The following BLTP1 variants were observed in gnomAD, a reference collection of about 807,000 sequenced individuals.
The protein encoded by BLTP1 is bridge-like lipid transfer protein family member 1, also known as fragile site-associated protein.
At chr4:122,353,511 G>T in the BLTP1 span, among the ~76,000 whole-genome samples, 2 of 152,158 alleles carry the variant, frequency 1.3e-5, no homozygotes, top group Non-Finnish European at 2.9e-5. This position sits in a 1 kb window ranked among gnomAD's most constrained non-coding sequence, Gnocchi z 4.3. Flanking sequence ...AGGCAAGGCT[G>T]TGCTTTTATC....
chr4:122,204,261 A>G, the BLTP1 span: 1 of 867,092 alleles, frequency 1.2e-6, no homozygotes, highest in Non-Finnish European at 1.4e-6. Flanking sequence ...ACCTGAGTAC[A>G]GAGGAAATCA....
chr4:122,336,511 G>T, the BLTP1 span: 1 of 463,990 alleles, frequency 2.2e-6, no homozygotes, highest in Non-Finnish European at 2.8e-6. Flanking sequence ...TCATCTAATT[G>T]TCATTTACAA....
chr4:122,187,896 G>A, the BLTP1 span: 2 of 1,558,988 alleles, frequency 1.3e-6, no homozygotes, highest in Non-Finnish European at 1.7e-6. Flanking sequence ...TTTTTTTAGG[G>A]ACGTTTGGCC....
the BLTP1 span, chr4:122,276,773 T>C: frequency 5.1e-6 from 5 of 971,380 alleles, no homozygotes; most frequent in African/African-American, 8.8e-5. Context: ...AAATAGTGTC[T>C]TGTGGAAGAA....
At chr4:122,313,922 A>T in the BLTP1 span, 2 of 361,836 alleles carry the variant, frequency 5.5e-6, no homozygotes, top group African/African-American at 2.2e-5. Flanking sequence ...AGAAAAGATT[A>T]AAATGAATAA....
chr4:122,307,849 T>A, the BLTP1 span: 2 of 1,518,408 alleles, frequency 1.3e-6, no homozygotes, highest in South Asian at 2.7e-5. Context: ...GTGTAATTTT[T>A]ATTAAGCAAC....
the BLTP1 span, among the ~76,000 whole-genome samples, chr4:122,302,453 T>G: frequency 1.3e-5 from 2 of 152,210 alleles, no homozygotes; most frequent in Non-Finnish European, 2.9e-5. Context: ...TCATTAGTAT[T>G]ATATGTCTGT....
chr4:122,211,234 TGGG>T, the BLTP1 span: 1 of 733,808 alleles, frequency 1.4e-6, no homozygotes, highest in Non-Finnish European at 2.2e-6. Context: ...TGACTGGACT[TGGG>T]GTGCTAGACT....
chr4:122,162,620 C>T, the BLTP1 span: 1 of 985,168 alleles, frequency 1.0e-6, no homozygotes. Context: ...TAATTCCTTT[C>T]AGCTATCACC....
chr4:122,274,679 A>G, the BLTP1 span: 2 of 964,280 alleles, frequency 2.1e-6, no homozygotes, highest in Non-Finnish European at 2.5e-6. Flanking sequence ...CATGTTAACT[A>G]CAAAACAGCC....
At chr4:122,184,938 CA>C in the BLTP1 span, 1 of 984,138 alleles carries the variant, frequency 1.0e-6, no homozygotes, top group Non-Finnish European at 1.2e-6. Context: ...CTACAGATGC[CA>C]AATACTAGCC....
chr4:122,340,901 C>T, the BLTP1 span: 25 of 847,348 alleles, frequency 3.0e-5, no homozygotes, highest in African/African-American at 5.5e-5. Flanking sequence ...GTGTTGTCAG[C>T]GATAACACTA....
chr4:122,187,906 C>G, the BLTP1 span: 5 of 1,577,800 alleles, frequency 3.2e-6, no homozygotes, highest in Non-Finnish European at 4.3e-6. Flanking sequence ...GACGTTTGGC[C>G]TTTGGAAATC....
At chr4:122,231,630 T>A in the BLTP1 span, 7 of 957,234 alleles carry the variant, frequency 7.3e-6, no homozygotes, top group East Asian at 2.3e-4. Flanking sequence ...GAGAAAGCCA[T>A]TCTTTTGCTA....
the BLTP1 span, chr4:122,277,000 T>C: frequency 6.1e-6 from 6 of 983,994 alleles, no homozygotes; most frequent in Non-Finnish European, 7.2e-6. Context: ...TGGCCTGTAA[T>C]TAATATGAAA....
chr4:122,320,848 A>G, the BLTP1 span, among the ~76,000 whole-genome samples: 1 of 151,044 alleles, frequency 6.6e-6, no homozygotes, highest in Non-Finnish European at 1.5e-5. Flanking sequence ...ACTATTTTCT[A>G]CTTTTTGCCT....
the BLTP1 span, among the ~76,000 whole-genome samples, chr4:122,178,585 G>A: frequency 6.6e-6 from 1 of 152,126 alleles, no homozygotes; most frequent in East Asian, 1.9e-4. Flanking sequence ...AAAGAGAAAG[G>A]TATTAATTTC....
At chr4:122,243,761 T>C in the BLTP1 span, 1 of 1,337,714 alleles carries the variant, frequency 7.5e-7, no homozygotes, top group Non-Finnish European at 9.7e-7. Context: ...AATTTTTAGT[T>C]GTAATGAATG....
At chr4:122,298,582 T>C in the BLTP1 span, 3 of 841,900 alleles carry the variant, frequency 3.6e-6, no homozygotes, top group Non-Finnish European at 4.3e-6. Context: ...TTTAAAAACA[T>C]ATGACCCCAA....
Sources: gnomAD v4.1 joint callset for allele counts (sites outside exome capture counted in the v4.1 genomes callset) on GRCh38, gnomAD v4.1.1 for gene constraint, Gnocchi (gnomAD v3.1) non-coding constraint, MANE v1.5 for transcripts, NCBI Gene and HGNC (gene_info 2026-07-23, HGNC 2026-07-21) for gene names.